NADK: variants seen among roughly 807,000 people sequenced by gnomAD.
The protein encoded by NADK is NAD kinase, also known as poly(P)/ATP NAD kinase.
Under a neutral mutation model 49.8 loss-of-function variants are expected in NADK, and 22 were observed. The observed-to-expected ratio is 0.44, with a 90% confidence interval of 0.32 to 0.63. NADK has a LOEUF of 0.63. Among genes scored for constraint, NADK ranks in the 30% least tolerant of loss-of-function variants. NADK has a pLI of 0.06. For synonymous variants in NADK, 268 were observed against 253.7 expected, an observed-to-expected ratio of 1.06 and a Z score of -0.54; for missense variants, 438 against 609.4, an observed-to-expected ratio of 0.72 and a Z score of 2.96.
chr1:1,771,012 C>T (rs1377973608), intron 1 of NADK, among the ~76,000 whole-genome samples: 3 of 142,468 alleles, frequency 2.1e-5, no homozygotes, highest in African/African-American at 7.8e-5. Flanking sequence ...TGCACTGCAG[C>T]CTTGGTAACA....
chr1:1,754,408 C>T lies in NADK; in HGVS notation c.844-25G>A. 1 of 1,612,214 alleles carries T rather than the reference C, an allele frequency of 6.2e-7. No individual in the cohort carries two copies. Among genetic ancestry groups the T allele is most frequent in the Non-Finnish European group, 8.5e-7 (1 of 1,178,620 alleles). On this transcript the variant is annotated intron_variant, in intron 8 of 11. Transcript: ENST00000341426. This position sits in a 1 kb window ranked among gnomAD's most constrained non-coding sequence, Gnocchi z 4.3. ...CCTGGAGGGGCGACAGCATTGCACA[C>T]TCAGGGCGGGGGATGCCGCACGGCT...
intron 1 of NADK, among the ~76,000 whole-genome samples, chr1:1,774,322 C>A (rs1012259911): frequency 6.6e-6 from 1 of 152,034 alleles, no homozygotes; most frequent in Admixed American, 6.5e-5. Context: ...ACTCTGCCTC[C>A]CAGGTTCAAG....
chr1:1,760,563 G>A (rs1412702793), intron 3 of NADK, among the ~76,000 whole-genome samples: 2 of 152,218 alleles, frequency 1.3e-5, no homozygotes, highest in Admixed American at 6.5e-5. Flanking sequence ...TCACACGGCC[G>A]CATTGCGCTT....
chr1:1,772,179 T>G lies in NADK; in HGVS notation c.-41+6110A>C, dbSNP rs1183121267. Among the ~76,000 whole-genome samples, 4 of 149,654 alleles carry G rather than the reference T, an allele frequency of 2.7e-5. No homozygotes were observed. In the East Asian group the frequency reaches 8.0e-4, roughly 30 times the overall value. On this transcript the variant is annotated intron_variant, in intron 1 of 11. Coordinates refer to ENST00000341426, the MANE Select transcript of NADK (RefSeq NM_023018.5). The stretch of plus-strand genomic sequence containing the variant: ...CCCTGAATTTTTTTTTTTTTTCCTG[T>G]TTTAGGCAGGGTCTTACTCTGTCCC...
chr1:1,775,990 G>A (rs1288291176), intron 1 of NADK, among the ~76,000 whole-genome samples: 3 of 152,148 alleles, frequency 2.0e-5, no homozygotes, highest in Non-Finnish European at 2.9e-5. Flanking sequence ...AGAAAGTGGA[G>A]CTGCTGGAGG....
In NADK at chr1:1,778,404, T is replaced by G. The variant is rs1396731572; in HGVS notation, c.-156A>C. ...TGGCCCTTGGCGCCCTGGCCGCCTG[T>G]TGCCCCATGGCCGCCCGGACCCCGG... is the stretch of plus-strand genomic sequence containing the variant. On this transcript the variant is annotated 5_prime_UTR_variant, in exon 1 of 12. Transcript: ENST00000341426. This position sits in a 1 kb window ranked among gnomAD's most constrained non-coding sequence, Gnocchi z 4.9. 4 of 149,358 alleles carry G rather than the reference T, an allele frequency of 2.7e-5. No individual in the cohort carries two copies. Among genetic ancestry groups the G allele is most frequent in the Admixed American group, 1.3e-4 (2 of 14,994 alleles). 9.3% of individuals were successfully genotyped at this position (149,358 alleles called of 1,614,324 possible). A position where few individuals can be genotyped will look rare whatever the true frequency, so the allele number is the denominator to read the frequency against.
chr1:1,771,681 C>CG (rs1185666421), intron 1 of NADK, among the ~76,000 whole-genome samples: 3 of 152,114 alleles, frequency 2.0e-5, no homozygotes, highest in African/African-American at 7.2e-5. Context: ...TGGACAGCCA[C>CG]GTCTAAAAGA....
chr1:1,771,053 A>AT (rs1465403422), intron 1 of NADK, among the ~76,000 whole-genome samples: 1,553 of 142,008 alleles, frequency 0.011, 18 homozygotes, highest in African/African-American at 0.034. Flanking sequence ...AAAAAAAAAA[A>AT]AAATATATAT....
chr1:1,756,387 G>C, intron 5 of NADK, 44 bp from the exon 6 acceptor site: 2 of 1,606,668 alleles, frequency 1.2e-6, no homozygotes, highest in Non-Finnish European at 1.7e-6. Flanking sequence ...GTCACACAGT[G>C]GCCCCTCTGT....
In NADK at chr1:1,758,576, T is replaced by C. The variant is rs190877408; in HGVS notation, c.264-1266A>G. 642 of 1,524,024 alleles carry C rather than the reference T, an allele frequency of 4.2e-4. 3 individuals carry two copies. The highest frequency in any genetic ancestry group is 3.5e-5 in the Non-Finnish European group (40 of 1,131,822). The allele number at this position is 1,524,024 out of a possible 1,614,324, so 94.4% of individuals were successfully genotyped here. A position where few individuals can be genotyped will look rare whatever the true frequency, so the allele number is the denominator to read the frequency against. ...CGCCCACACTAGAAGCCTAAGCTCT[T>C]CATACTCAAAACTCAAAGCAAAACA... On this transcript the variant is annotated intron_variant, in intron 3 of 11. Transcript: ENST00000341426.
rs772219400 is a variant in NADK, at chr1:1,756,299, C to G, written c.544G>C (p.Gly182Arg). ...GCGTACAGCAGCGTCCCGTCTCCCC[C>G]CAGGCAGATGATGAAGTCTATCTGA... The part of the protein sequence containing the change: ...SNQIDFIICL[G>R]GDGTLLYASS... Residue 182 changes from glycine (G) to arginine (R), a missense_variant, in exon 6 of 12, where the codon GGG becomes CGG. Gly to Arg is a moderately radical substitution (Grantham distance 125). Transcript: ENST00000341426. 6.2e-7 allele frequency: 1 copy of G among 1,614,074 alleles called. No homozygotes were observed. The highest frequency in any genetic ancestry group is 8.5e-7 in the Non-Finnish European group (1 of 1,180,042).
chr1:1,757,812 C>T (rs575848250), intron 3 of NADK, among the ~76,000 whole-genome samples: 1 of 152,216 alleles, frequency 6.6e-6, no homozygotes, highest in African/African-American at 2.4e-5. Flanking sequence ...CTCAAGGACC[C>T]GCTTCCCCCC....
rs755451215 is a variant in NADK, at chr1:1,765,447, CTTAAT to C, written c.-40-6_-40-2del. 60 of 1,339,952 alleles carry C rather than the reference CTTAAT, an allele frequency of 4.5e-5. 1 individual carries two copies. The South Asian group carries it at 7.4e-4, about 17-fold the overall frequency. The allele number at this position is 1,339,952 out of a possible 1,614,324, so 83.0% of individuals were successfully genotyped here. ...ACTTCGGTCAGAAAAACACTGATGC[CTTAAT>C]TTAATAAAATAAATAATGTAAATAA... is the stretch of plus-strand genomic sequence containing the variant. On this transcript the variant is annotated splice_acceptor_variant and splice_polypyrimidine_tract_variant and intron_variant, in intron 1 of 11. Coordinates refer to ENST00000341426, the MANE Select transcript of NADK (RefSeq NM_023018.5). LOFTEE classifies it low-confidence loss of function (5UTR_SPLICE).
chr1:1,768,827 ATGGCAAGG>A (rs1177028419), intron 1 of NADK, among the ~76,000 whole-genome samples: 1 of 152,214 alleles, frequency 6.6e-6, no homozygotes, highest in Non-Finnish European at 1.5e-5. Context: ...ATGTGAGATG[ATGGCAAGG>A]TGGGCAGAAG....
intron 1 of NADK, among the ~76,000 whole-genome samples, chr1:1,774,287 G>C (rs1041856428): frequency 1.3e-5 from 2 of 151,982 alleles, no homozygotes; most frequent in Non-Finnish European, 2.9e-5. Context: ...CTGGAGTGCA[G>C]TGGCGCGATC....
intron 6 of NADK, among the ~76,000 whole-genome samples, chr1:1,755,746 C>T (rs1030803369): frequency 3.3e-5 from 5 of 151,562 alleles, no homozygotes; most frequent in Admixed American, 6.6e-5. Flanking sequence ...GGGGAGCTGG[C>T]GAGGGCGGGT....
intron 3 of NADK, chr1:1,758,322 T>G (rs1222842999): frequency 1.3e-6 from 2 of 1,578,814 alleles, no homozygotes; most frequent in East Asian, 4.5e-5. Flanking sequence ...GCCACAGACC[T>G]TAGCCCATCG....
chr1:1,764,880 G>A (rs1018831058), intron 2 of NADK, among the ~76,000 whole-genome samples: 1 of 152,214 alleles, frequency 6.6e-6, no homozygotes, highest in African/African-American at 2.4e-5. Flanking sequence ...CAGCTTGGGG[G>A]ACAGAGCGAG....
At chr1:1,770,220 A>C (rs538563767) in intron 1 of NADK, among the ~76,000 whole-genome samples, 5 of 152,102 alleles carry the variant, frequency 3.3e-5, no homozygotes, top group African/African-American at 1.2e-4. Flanking sequence ...TGAAAAATTC[A>C]ATGAAAACCA....
Sources: gnomAD v4.1 joint callset for allele counts (sites outside exome capture counted in the v4.1 genomes callset) on GRCh38, gnomAD v4.1.1 for gene constraint, Gnocchi (gnomAD v3.1) non-coding constraint, MANE v1.5 for transcripts, NCBI Gene and HGNC (gene_info 2026-07-23, HGNC 2026-07-21) for gene names.